Variants in PPP1R3A observed in about 807,000 individuals in gnomAD.
PPP1R3A encodes RG1.
Under a neutral mutation model 41.7 loss-of-function variants are expected in PPP1R3A, and 29 were observed. The ratio of observed to expected loss-of-function variants is 0.70; its 90% CI spans 0.52 to 0.95. PPP1R3A has a LOEUF of 0.95. Among genes scored for constraint, PPP1R3A ranks in the 40% least tolerant of loss-of-function variants. The probability of loss-of-function intolerance (pLI) is 0.00; values close to 1 mark genes in which losing one functional copy is unlikely to be tolerated. For missense variants in PPP1R3A, 1,352 were observed against 1,292.4 expected, an observed-to-expected ratio of 1.05 and a Z score of -0.71; for synonymous variants, 485 against 453.4, an observed-to-expected ratio of 1.07 and a Z score of -0.89.
Position 113,918,420 on chromosome 7 carries a change from C to G in PPP1R3A, c.577G>C (p.Val193Leu), listed in dbSNP as rs750533996. The change falls in exon 1 of 4, where the codon GTA (valine) becomes CTA (leucine). Residue 193 changes from valine (V) to leucine (L), a missense_variant. By Grantham distance (32) the Val-to-Leu change is conservative (BLOSUM62 1). Coordinates refer to ENST00000284601, the MANE Select transcript of PPP1R3A (RefSeq NM_002711.4). ...GETDQFSFKI[V>L]LVPPYQKDGS... ...TCTTTTTGATAAGGAGGAACCAATA[C>G]AATCTTAAAGGAGAACTGGTCAGTT... 4.4e-5 allele frequency: 71 copies of G among 1,613,194 alleles called. 1 individual carries two copies. The highest frequency in any genetic ancestry group is 5.8e-5 in the Non-Finnish European group (69 of 1,179,638).
chr7:113,905,479 T>C (rs563920644), intron 1 of PPP1R3A, among the ~76,000 whole-genome samples: 1 of 151,932 alleles, frequency 6.6e-6, no homozygotes, highest in South Asian at 2.1e-4. Context: ...GTTTAAAACA[T>C]TTATATACAT....
chr7:113,908,733 G>C (rs1388383984), intron 1 of PPP1R3A, among the ~76,000 whole-genome samples: 2 of 151,806 alleles, frequency 1.3e-5, no homozygotes, highest in Non-Finnish European at 2.9e-5. Context: ...CAAAGTCATG[G>C]AGTGAACCTA....
intron 1 of PPP1R3A, among the ~76,000 whole-genome samples, chr7:113,913,267 G>A (rs1158828748): frequency 1.3e-5 from 2 of 152,036 alleles, no homozygotes; most frequent in South Asian, 2.1e-4. Flanking sequence ...TACTGTATGC[G>A]TAAATTAAGG....
chr7:113,892,090 C>T (rs867526176), intron 1 of PPP1R3A, among the ~76,000 whole-genome samples: 1 of 152,034 alleles, frequency 6.6e-6, no homozygotes, highest in African/African-American at 2.4e-5. Flanking sequence ...AATTCTTGGG[C>T]ATCACCTCTC....
chr7:113,911,018 A>G (rs1388958870), intron 1 of PPP1R3A, among the ~76,000 whole-genome samples: 1 of 152,122 alleles, frequency 6.6e-6, no homozygotes, highest in African/African-American at 2.4e-5. Context: ...TTAAAATTCA[A>G]TTCATAGTTG....
chr7:113,910,200 G>A (rs990780620), intron 1 of PPP1R3A, among the ~76,000 whole-genome samples: 1 of 151,972 alleles, frequency 6.6e-6, no homozygotes, highest in African/African-American at 2.4e-5. Context: ...TTAACACGTG[G>A]GGATTATTAC....
chr7:113,894,710 T>C (rs1287680859), intron 1 of PPP1R3A, among the ~76,000 whole-genome samples: 1 of 151,950 alleles, frequency 6.6e-6, no homozygotes, highest in Non-Finnish European at 1.5e-5. Context: ...AAAATCATTA[T>C]TAGAGTCATG....
intron 1 of PPP1R3A, among the ~76,000 whole-genome samples, chr7:113,911,280 T>C (rs1452551087): frequency 6.6e-6 from 1 of 152,100 alleles, no homozygotes; most frequent in Non-Finnish European, 1.5e-5. Flanking sequence ...AACACTACCA[T>C]GCTAGTTAAC....
chr7:113,913,460 GT>G (rs537621623), intron 1 of PPP1R3A, among the ~76,000 whole-genome samples: 9 of 152,012 alleles, frequency 5.9e-5, no homozygotes, highest in African/African-American at 2.2e-4. Context: ...AACGTACCTG[GT>G]TTTTTTCCTA....
At chr7:113,903,586 C>G (rs1307996986) in intron 1 of PPP1R3A, among the ~76,000 whole-genome samples, 3 of 151,710 alleles carry the variant, frequency 2.0e-5, no homozygotes, top group Non-Finnish European at 2.9e-5. Context: ...AACCTCTTAG[C>G]AGAAAAAGTT....
At chr7:113,913,191 G>T (rs61542426) in intron 1 of PPP1R3A, among the ~76,000 whole-genome samples, 1 of 152,122 alleles carries the variant, frequency 6.6e-6, no homozygotes, top group East Asian at 1.9e-4. Context: ...TATGGCATAC[G>T]TGAGGTCCCA....
intron 1 of PPP1R3A, among the ~76,000 whole-genome samples, chr7:113,909,550 T>A (rs1034244137): frequency 2.6e-5 from 4 of 151,970 alleles, no homozygotes; most frequent in Non-Finnish European, 5.9e-5. Flanking sequence ...CAATGTATGG[T>A]CCTGGTAATA....
chr7:113,916,347 T>C (rs1378135750), intron 1 of PPP1R3A, among the ~76,000 whole-genome samples: 1 of 152,076 alleles, frequency 6.6e-6, no homozygotes, highest in South Asian at 2.1e-4. Context: ...TGATTACTGT[T>C]CTGAATACAA....
intron 1 of PPP1R3A, among the ~76,000 whole-genome samples, chr7:113,913,383 T>C (rs1344693100): frequency 6.6e-6 from 1 of 152,116 alleles, no homozygotes; most frequent in Non-Finnish European, 1.5e-5. Flanking sequence ...TTTACCACCC[T>C]GAAAGATAAA....
chr7:113,908,799 C>T (rs1465704156), intron 1 of PPP1R3A, among the ~76,000 whole-genome samples: 2 of 151,832 alleles, frequency 1.3e-5, no homozygotes, highest in African/African-American at 4.8e-5. Context: ...CTATGGAATA[C>T]TATGCACCCC....
chr7:113,890,018 A>C lies in PPP1R3A; in HGVS notation c.783-7698T>G, dbSNP rs543350794. On this transcript the variant is annotated intron_variant, in intron 1 of 3. Transcript: ENST00000284601. ...AGCTGAAACCTAAATAAGAAGCCTT[A>C]GCTAGAGAAAAGGAGAGAAGCAATT... 1.1e-3 allele frequency among the ~76,000 whole-genome samples: 174 copies of C among 152,240 alleles called. 1 individual carries two copies. The highest frequency in any genetic ancestry group is 4.0e-3 in the African/African-American group (166 of 41,574).
intron 1 of PPP1R3A, among the ~76,000 whole-genome samples, chr7:113,904,303 C>G (rs929148353): frequency 2.0e-5 from 3 of 151,612 alleles, no homozygotes; most frequent in Non-Finnish European, 4.4e-5. Flanking sequence ...TGGACTTGAT[C>G]AAATAAATTT....
chr7:113,883,511 G>T, intron 1 of PPP1R3A, among the ~76,000 whole-genome samples: 1 of 151,486 alleles, frequency 6.6e-6, no homozygotes, highest in Non-Finnish European at 1.5e-5. Flanking sequence ...TATTTTTAGT[G>T]GGCCCACATA....
At position 113,918,267 on chromosome 7, in the gene PPP1R3A, A is replaced by C. The variant is rs764026077; in HGVS notation, c.730T>G (p.Trp244Gly). Residue 244 changes from tryptophan to glycine, a missense_variant, in exon 1 of 4, where the codon TGG (tryptophan) becomes GGG (glycine). Coordinates refer to ENST00000284601, the MANE Select transcript of PPP1R3A (RefSeq NM_002711.4). ...ATTTGTCTGTTAGGAACTTCTTTCC[A>C]TGGTTTTACAGGCTCCGGCTCTTGT... is the stretch of plus-strand genomic sequence containing the variant. ...KEQEPEPVKP[W>G]KEVPNRQIKG... 3.1e-6 allele frequency: 5 copies of C among 1,607,296 alleles called. No homozygotes were observed. Among genetic ancestry groups the C allele is most frequent in the Admixed American group, 3.4e-5 (2 of 58,576 alleles).
Sources: gnomAD v4.1 joint callset for allele counts (sites outside exome capture counted in the v4.1 genomes callset) on GRCh38, gnomAD v4.1.1 for gene constraint, MANE v1.5 for transcripts, NCBI Gene and HGNC (gene_info 2026-07-23, HGNC 2026-07-21) for gene names.